The following URGCP variants were observed in gnomAD, a reference collection of about 807,000 sequenced individuals.
URGCP encodes upregulator of cell proliferation, also known as up-regulator of cell proliferation.
Under a neutral mutation model 24.6 loss-of-function variants are expected in URGCP, and 13 were observed. The ratio of observed to expected loss-of-function variants is 0.53; its 90% CI spans 0.34 to 0.84. The LOEUF is 0.84. URGCP is among the 40% of genes least tolerant of loss of function. URGCP has a pLI of 0.01. For missense variants in URGCP, 899 were observed against 1,194.3 expected, an observed-to-expected ratio of 0.75 and a Z score of 3.64; for synonymous variants, 444 against 487.2, an observed-to-expected ratio of 0.91 and a Z score of 1.17.
chr7:43,911,723 C>T (rs1437901562), intron 1 of URGCP, among the ~76,000 whole-genome samples: 3 of 152,048 alleles, frequency 2.0e-5, no homozygotes, highest in Non-Finnish European at 4.4e-5. Context: ...ACCTAACAGA[C>T]ATATGCACAG....
chr7:43,886,610 G>A (rs1211794408), intron 3 of URGCP, among the ~76,000 whole-genome samples: 3 of 152,058 alleles, frequency 2.0e-5, no homozygotes, highest in African/African-American at 4.8e-5. Flanking sequence ...AAAATTAGCC[G>A]TGCATGGTGG....
In URGCP at chr7:43,894,007, T is replaced by C. The variant is rs1030829122; in HGVS notation, c.15-6191A>G. Among the ~76,000 whole-genome samples, 6 of 152,286 alleles carry C rather than the reference T, an allele frequency of 3.9e-5. No homozygotes were observed. The East Asian group carries it at 1.2e-3, about 29-fold the overall frequency. ...AAAGACAAAGAAGGTCATTATATAA[T>C]GATAAAGGGATCAATTCAGCAAGAG... On this transcript the variant is annotated intron_variant, in intron 1 of 5. Transcript: ENST00000453200.
At chr7:43,921,898 CT>C (rs1034850495) in intron 1 of URGCP, among the ~76,000 whole-genome samples, 74 of 146,368 alleles carry the variant, frequency 5.1e-4, no homozygotes, top group East Asian at 9.9e-4. Context: ...TTTTCTTTTT[CT>C]TTTTTTTTTT....
chr7:43,902,520 G>A (rs1027754785), intron 1 of URGCP, among the ~76,000 whole-genome samples: 3 of 152,178 alleles, frequency 2.0e-5, no homozygotes, highest in African/African-American at 7.2e-5. Flanking sequence ...TGAGGAGTGA[G>A]AGTTACTTAT....
Position 43,887,669 on chromosome 7 carries a change from C to T in URGCP, c.41+121G>A, listed in dbSNP as rs971042486. On this transcript the variant is annotated intron_variant, in intron 2 of 5. Coordinates refer to ENST00000453200, the MANE Select transcript of URGCP (RefSeq NM_001077663.3). The stretch of plus-strand genomic sequence containing the variant: ...TGGGTATCACTGCTTTTAAAAGTGC[C>T]CTCAATGATTCTGATATGCACCCAC... 6.0e-6 allele frequency: 9 copies of T among 1,489,872 alleles called. No individual in the cohort carries two copies. The African/African-American group carries it at 9.9e-5, about 16-fold the overall frequency. 92.3% of individuals were successfully genotyped at this position (1,489,872 alleles called of 1,614,324 possible).
At chr7:43,917,298 C>G (rs1257192469) in intron 1 of URGCP, among the ~76,000 whole-genome samples, 1 of 152,200 alleles carries the variant, frequency 6.6e-6, no homozygotes, top group Non-Finnish European at 1.5e-5. Context: ...TGGTCTTAAG[C>G]TGTAGCCAAG....
At chr7:43,892,371 G>A (rs760799004) in intron 1 of URGCP, among the ~76,000 whole-genome samples, 1 of 151,410 alleles carries the variant, frequency 6.6e-6, no homozygotes, top group Non-Finnish European at 1.5e-5. Flanking sequence ...TGCCCACCTC[G>A]GCCTCCCAAA....
At chr7:43,881,356 A>G (rs1487275135) in intron 5 of URGCP, 6 of 639,586 alleles carry the variant, frequency 9.4e-6, no homozygotes, top group Middle Eastern at 2.4e-4. Flanking sequence ...GGAACTTGTT[A>G]AAAAATGAAA....
chr7:43,894,286 G>C (rs922458233), intron 1 of URGCP, among the ~76,000 whole-genome samples: 6 of 152,102 alleles, frequency 3.9e-5, no homozygotes, highest in Non-Finnish European at 7.3e-5. Flanking sequence ...CTTCTCACCA[G>C]CACACAGAAC....
intron 1 of URGCP, among the ~76,000 whole-genome samples, chr7:43,893,374 T>G (rs1019208994): frequency 1.3e-5 from 2 of 151,726 alleles, no homozygotes; most frequent in Non-Finnish European, 2.9e-5. Flanking sequence ...ATGAAAAAAT[T>G]AGCTGGGCAT....
chr7:43,900,219 C>A (rs1161941960), intron 1 of URGCP, among the ~76,000 whole-genome samples: 1 of 151,570 alleles, frequency 6.6e-6, no homozygotes, highest in Non-Finnish European at 1.5e-5. Context: ...CTTGGGGAGG[C>A]CAAGGCAGGC....
At chr7:43,919,123 G>C (rs748237826) in intron 1 of URGCP, 21 of 871,182 alleles carry the variant, frequency 2.4e-5, no homozygotes, top group Non-Finnish European at 4.2e-5. Flanking sequence ...TTCATTGCTG[G>C]GGGGACAGGC....
intron 1 of URGCP, among the ~76,000 whole-genome samples, chr7:43,921,076 C>T (rs2132732484): frequency 6.6e-6 from 1 of 152,276 alleles, no homozygotes; most frequent in Non-Finnish European, 1.5e-5. Flanking sequence ...CCTGTAATCC[C>T]AGCACTTTGC....
chr7:43,906,465 A>G (rs1372863653), intron 1 of URGCP, 97 bp downstream of exon 1: 1 of 1,080,332 alleles, frequency 9.3e-7, no homozygotes, highest in South Asian at 4.4e-5. Flanking sequence ...TCCGGGCCGC[A>G]TCCCAGACCA....
chr7:43,912,239 T>G (rs2095910805), intron 1 of URGCP, among the ~76,000 whole-genome samples: 1 of 152,236 alleles, frequency 6.6e-6, no homozygotes, highest in Admixed American at 6.5e-5. Flanking sequence ...TGCTCATGCC[T>G]GTAATCCCAG....
Position 43,877,143 on chromosome 7 carries a change from A to ATTCCTT in URGCP, c.2319_2320insAAGGAA (p.Ser773_Leu774insLysGlu). The ATTCCTT allele has an allele frequency of 6.2e-7, 1 of 1,614,218 alleles. No homozygotes were observed. The highest frequency in any genetic ancestry group is 8.5e-7 in the Non-Finnish European group (1 of 1,180,022). On this transcript the variant is annotated inframe_insertion, in exon 6 of 6. Transcript: ENST00000453200. ...CTCAGTCCCATGAGCAGAGTGGCCAAGGAAGCCTCCAGCTCAAATCTGTCC... is the reference window on the plus strand; with the variant it reads ...CTCAGTCCCATGAGCAGAGTGGCCAATTCCTTGGAAGCCTCCAGCTCAAATCTGTCC...
chr7:43,904,926 G>T (rs1474057830), intron 1 of URGCP, among the ~76,000 whole-genome samples: 2 of 152,156 alleles, frequency 1.3e-5, no homozygotes, highest in East Asian at 3.8e-4. Context: ...CATATAACGT[G>T]GTCCTCCGCT....
intron 1 of URGCP, among the ~76,000 whole-genome samples, chr7:43,902,096 G>C (rs758514143): frequency 6.6e-6 from 1 of 150,930 alleles, no homozygotes; most frequent in Non-Finnish European, 1.5e-5. Flanking sequence ...GGGGAGGAAC[G>C]GAGACAGAAC....
chr7:43,920,129 T>C (rs1169922913), intron 1 of URGCP: 1 of 782,180 alleles, frequency 1.3e-6, no homozygotes. Context: ...ACCACTCACT[T>C]AGAGCACAGA....
Sources: gnomAD v4.1 joint callset for allele counts (sites outside exome capture counted in the v4.1 genomes callset) on GRCh38, gnomAD v4.1.1 for gene constraint, MANE v1.5 for transcripts, NCBI Gene and HGNC (gene_info 2026-07-23, HGNC 2026-07-21) for gene names.